Variants in RELN observed in about 807,000 individuals in gnomAD.
RELN encodes the protein reelin.
A neutral mutation model predicts 427.6 loss-of-function variants in RELN; 108 were observed. The ratio of observed to expected loss-of-function variants is 0.25; its 90% CI spans 0.22 to 0.30. RELN has a LOEUF of 0.30. RELN is among the 10% of genes least tolerant of loss of function. The pLI is 1.00. For synonymous variants in RELN, 1,524 were observed against 1,513.4 expected (o/e 1.01, Z -0.16); for missense variants, 3,715 against 4,302.8 (o/e 0.86, Z 3.82).
At chr7:103,816,933 C>A (rs775344282) in intron 3 of RELN, among the ~76,000 whole-genome samples, 4 of 152,090 alleles carry the variant, frequency 2.6e-5, no homozygotes, top group Non-Finnish European at 5.9e-5. Context: ...CTCACTGCAA[C>A]CTCCACCTCC....
intron 33 of RELN, among the ~76,000 whole-genome samples, chr7:103,565,992 T>C (rs946487107): frequency 6.6e-6 from 1 of 152,046 alleles, no homozygotes; most frequent in African/African-American, 2.4e-5. Context: ...TTTGCTCTTC[T>C]AAGAAACCTT....
At chr7:103,547,390 G>A (rs948765412) in intron 41 of RELN, among the ~76,000 whole-genome samples, 1 of 152,140 alleles carries the variant, frequency 6.6e-6, no homozygotes, top group Non-Finnish European at 1.5e-5. Flanking sequence ...TCCACCTCCA[G>A]GGTTCAAGCA....
chr7:103,874,292 G>T (rs1794423335), intron 2 of RELN, among the ~76,000 whole-genome samples: 1 of 125,144 alleles, frequency 8.0e-6, no homozygotes, highest in Admixed American at 8.1e-5. Flanking sequence ...TTTGAAAACT[G>T]GCACAAGACA....
intron 6 of RELN, among the ~76,000 whole-genome samples, chr7:103,743,348 C>T (rs965438655): frequency 1.8e-4 from 27 of 152,254 alleles, no homozygotes; most frequent in African/African-American, 6.3e-4. Context: ...GAAGAAACTG[C>T]ACCAACTAAC....
Position 103,771,267 on chromosome 7 carries a change from C to T in RELN, c.544+5290G>A, listed in dbSNP as rs531000361. Among the ~76,000 whole-genome samples, 5 of 151,942 alleles carry T rather than the reference C, an allele frequency of 3.3e-5. No homozygotes were observed. The South Asian group carries it at 8.3e-4, about 25-fold the overall frequency. Reference sequence around the variant, plus strand: ...TAAAACCCTAAGGTCCTTTTCTATCCACCATCCTCTCTGTTTGTCCTTGTT... The same window carrying T: ...TAAAACCCTAAGGTCCTTTTCTATCTACCATCCTCTCTGTTTGTCCTTGTT... On this transcript the variant is annotated intron_variant, in intron 4 of 64. Transcript: ENST00000428762.
rs183067310 is a variant in RELN, at chr7:103,747,901, T to A, written c.656+1525A>T. ...GCATCTATCAGATCAGTCATGAAAA[T>A]GGGCGAAGAAAAATCAATCACATTT... is the stretch of plus-strand genomic sequence containing the variant. On this transcript the variant is annotated intron_variant, in intron 6 of 64. Transcript: ENST00000428762. Among the ~76,000 whole-genome samples, 184 of 152,104 alleles carry A rather than the reference T, an allele frequency of 1.2e-3. 2 individuals carry two copies. The highest frequency in any genetic ancestry group is 4.3e-3 in the African/African-American group (178 of 41,498).
chr7:103,972,029 C>T (rs1460980160), intron 1 of RELN, among the ~76,000 whole-genome samples: 3 of 152,166 alleles, frequency 2.0e-5, no homozygotes, highest in East Asian at 1.9e-4. Flanking sequence ...GCCAAGATCA[C>T]GCCACTGTAC....
chr7:103,769,265 T>G (rs760464631), intron 4 of RELN, among the ~76,000 whole-genome samples: 1 of 152,130 alleles, frequency 6.6e-6, no homozygotes, highest in Non-Finnish European at 1.5e-5. Context: ...AAGCAGTGAT[T>G]AGGTCATAAG....
intron 31 of RELN, among the ~76,000 whole-genome samples, chr7:103,570,025 C>G (rs1046856180): frequency 3.9e-5 from 6 of 152,122 alleles, no homozygotes; most frequent in African/African-American, 1.4e-4. Context: ...GAGATTTGTT[C>G]AAGGATTTAA....
At chr7:103,693,847 A>G (rs1292443489) in intron 10 of RELN, among the ~76,000 whole-genome samples, 1 of 152,134 alleles carries the variant, frequency 6.6e-6, no homozygotes, top group East Asian at 1.9e-4. Context: ...TTATTGTTCC[A>G]AGGCCCCTAC....
chr7:103,546,159 C>T lies in RELN; in HGVS notation c.6303-815G>A, dbSNP rs530086229. Among the ~76,000 whole-genome samples, 8 of 152,284 alleles carry T rather than the reference C, an allele frequency of 5.3e-5. No individual in the cohort carries two copies. The South Asian group carries it at 1.5e-3, about 28-fold the overall frequency. Reference sequence around the variant, plus strand: ...CACTGAACAGTTTTCCCCATCTCTCCCTCCCTGACAACTGACAACCACCAA... The same window carrying T: ...CACTGAACAGTTTTCCCCATCTCTCTCTCCCTGACAACTGACAACCACCAA... On this transcript the variant is annotated intron_variant, in intron 41 of 64. Transcript: ENST00000428762.
intron 22 of RELN, among the ~76,000 whole-genome samples, chr7:103,607,179 G>A (rs1465269210): frequency 6.6e-6 from 1 of 151,808 alleles, no homozygotes; most frequent in Non-Finnish European, 1.5e-5. Flanking sequence ...CACCAACATG[G>A]CACATGTATA....
intron 2 of RELN, among the ~76,000 whole-genome samples, chr7:103,844,533 AT>A (rs1368227194): frequency 2.4e-4 from 37 of 152,208 alleles, no homozygotes; most frequent in African/African-American, 8.4e-4. Flanking sequence ...AAGTGTTATT[AT>A]TATTCCTATT....
At chr7:103,652,435 A>C in intron 14 of RELN, 116 bp downstream of exon 14, 1 of 790,920 alleles carries the variant, frequency 1.3e-6, no homozygotes, top group Non-Finnish European at 2.1e-6. Context: ...TATTTCATCA[A>C]TGAGTATTTT....
chr7:103,778,540 A>G (rs1791803972), intron 3 of RELN, among the ~76,000 whole-genome samples: 2 of 152,220 alleles, frequency 1.3e-5, no homozygotes, highest in African/African-American at 4.8e-5. Context: ...ACGATCAGCC[A>G]AATTATCAAA....
At chr7:103,930,896 G>A (rs925914978) in intron 1 of RELN, among the ~76,000 whole-genome samples, 5 of 137,384 alleles carry the variant, frequency 3.6e-5, no homozygotes, top group African/African-American at 1.6e-4. Flanking sequence ...GTGTGTGTGT[G>A]TGTGTGTGTG....
At chr7:103,782,078 A>AGCCC (rs1222637777) in intron 3 of RELN, among the ~76,000 whole-genome samples, 1 of 152,090 alleles carries the variant, frequency 6.6e-6, no homozygotes, top group African/African-American at 2.4e-5. Context: ...TGCCAACAAG[A>AGCCC]GCCCCTATTA....
At position 103,652,677 on chromosome 7, in the gene RELN, T is replaced by C; in HGVS notation, c.1637A>G (p.Gln546Arg). The C allele has an allele frequency of 6.2e-7, 1 of 1,612,970 alleles. No individual in the cohort carries two copies. Among genetic ancestry groups the C allele is most frequent in the Non-Finnish European group, 8.5e-7 (1 of 1,179,292 alleles). ...TKFCLRQKNH[Q>R]GHNRNVWAVD... is the part of the protein sequence containing the mutation. The stretch of plus-strand genomic sequence containing the variant: ...AGCCCAGACATTCCTATTATGTCCT[T>C]GATGGTTCTTTTGCCTGAGACAAAA... The change falls in exon 14 of 65, where the codon CAA becomes CGA. Residue 546 changes from glutamine (Q) to arginine (R), a missense_variant. Around this residue, in one of 4 missense-constraint regions of RELN, gnomAD observed 2,208 missense variants for 2,361.7 expected, o/e 0.93. Coordinates refer to ENST00000428762, the MANE Select transcript of RELN (RefSeq NM_005045.4).
chr7:103,538,816 A>G (rs1389482045), intron 45 of RELN, among the ~76,000 whole-genome samples: 4 of 152,182 alleles, frequency 2.6e-5, no homozygotes, highest in Admixed American at 2.0e-4. Flanking sequence ...ATTACTGTTT[A>G]GGTTATTTAC....
Sources: allele counts gnomAD v4.1 joint callset (sites outside exome capture counted in the v4.1 genomes callset), GRCh38; gene constraint gnomAD v4.1.1; regional missense constraint gnomAD v4.1.1; transcripts MANE v1.5; gene names NCBI Gene and HGNC (gene_info 2026-07-23, HGNC 2026-07-21).